The following BAZ2A variants were observed in gnomAD, a reference collection of about 807,000 sequenced individuals.
BAZ2A encodes the protein bromodomain adjacent to zinc finger domain protein 2A.
In BAZ2A, 34 loss-of-function variants were observed where a neutral mutation model predicts 199.9. The ratio of observed to expected loss-of-function variants is 0.17; its 90% CI spans 0.13 to 0.23. BAZ2A has a LOEUF of 0.23. Ranked by LOEUF, BAZ2A falls within the 10% of genes least tolerant of loss-of-function variation. BAZ2A has a pLI of 1.00. For missense variants in BAZ2A, 2,002 were observed against 2,391.1 expected (o/e 0.84, Z 3.39); for synonymous variants, 857 against 883.9 (o/e 0.97, Z 0.54).
chr12:56,598,410 G>A lies in BAZ2A; in HGVS notation c.*208C>T, dbSNP rs2136682811. The A allele has an allele frequency of 3.3e-6, 2 of 610,728 alleles. No homozygotes were observed. The highest frequency in any genetic ancestry group is 5.6e-6 in the Non-Finnish European group (2 of 357,342). 37.8% of individuals were successfully genotyped at this position (610,728 alleles called of 1,614,324 possible). ...TTTAGTCCAGAAGGACCTCATCTCT[G>A]CACCTCTTACTTGAGGAGCAAGAGG... On this transcript the variant is annotated 3_prime_UTR_variant, in exon 29 of 29. Coordinates refer to ENST00000549884, the MANE Select transcript of BAZ2A (RefSeq NM_001300905.2).
chr12:56,599,133 A>G lies in BAZ2A; in HGVS notation c.5398T>C (p.Cys1800Arg), dbSNP rs1886143189. The G allele has an allele frequency of 6.2e-7, 1 of 1,609,934 alleles. No homozygotes were observed. The highest frequency in any genetic ancestry group is 1.7e-5 in the Admixed American group (1 of 59,618). The change falls in exon 27 of 29, where the codon TGC becomes CGC. Residue 1800 changes from cysteine (C) to arginine (R), a missense_variant. Around this residue, in one of 6 missense-constraint regions of BAZ2A, gnomAD observed 122 missense variants for 123.0 expected, o/e 0.99. Transcript: ENST00000549884. ...MRNHHSDLTF[C>R]EIILMEMESH... ...CCCAGGATTCACTCAACTCACTCGC[A>G]AAATGTGAGATCACTGTGGTGGTTC...
intron 1 of BAZ2A, chr12:56,620,964 A>G (rs1428066707): frequency 1.5e-6 from 1 of 662,432 alleles, no homozygotes; most frequent in East Asian, 1.4e-4. Flanking sequence ...AATTAAAGGA[A>G]AGTTCATTCC....
chr12:56,605,063 T>G lies in BAZ2A; in HGVS notation c.2748+10A>C. 1 of 1,591,304 alleles carries G rather than the reference T, an allele frequency of 6.3e-7. No homozygotes were observed. Among genetic ancestry groups the G allele is most frequent in the South Asian group, 1.1e-5 (1 of 88,806 alleles). ...TTGTCCTGGTTACTTTGGGAGGGAC[T>G]TGCACTCACCTGACAGTAGGAGGGA... is the stretch of plus-strand genomic sequence containing the variant. On this transcript the variant is annotated intron_variant, in intron 14 of 28. Transcript: ENST00000549884.
intron 26 of BAZ2A, 99 bp from the exon 27 acceptor site, chr12:56,599,457 A>C: frequency 7.3e-7 from 1 of 1,365,826 alleles, no homozygotes; most frequent in Non-Finnish European, 9.9e-7. Flanking sequence ...TCAAAATACT[A>C]TCATGCATAA....
chr12:56,599,248 T>G lies in BAZ2A; in HGVS notation c.5283A>C (p.Val1761=), dbSNP rs1237497525. ...CTGGGCTTTCTCGGCCCCTCAACAG[T>G]ACCCGGCGTCGGCGGCCATCACCCT... ...FSEGDGRRRR[V]LLRGRESPAA... is the part of the protein sequence containing the mutation. Residue 1761 remains valine, a synonymous_variant, in exon 27 of 29, where the codon GTA becomes GTC. Coordinates refer to ENST00000549884, the MANE Select transcript of BAZ2A (RefSeq NM_001300905.2). The G allele has an allele frequency of 6.2e-7, 1 of 1,613,210 alleles. No homozygotes were observed. The highest frequency in any genetic ancestry group is 1.3e-5 in the African/African-American group (1 of 74,906).
Position 56,613,150 on chromosome 12 carries a change from C to T in BAZ2A, c.1000G>A (p.Val334Met). The change falls in exon 5 of 29, where the codon GTG becomes ATG. Residue 334 changes from valine to methionine, a missense_variant. Transcript: ENST00000549884. ...GAAGGGCAATCAAGGGCAGAAATCACAGGGCTGTCCTCAAGAGGCAGCTTG... is the reference window on the plus strand; with the variant it reads ...GAAGGGCAATCAAGGGCAGAAATCATAGGGCTGTCCTCAAGAGGCAGCTTG... Reference protein sequence around the residue: ...EDKLPLEDSPVISALDCPSLN... With the variant: ...EDKLPLEDSPMISALDCPSLN... 1 of 1,614,016 alleles carries T rather than the reference C, an allele frequency of 6.2e-7. No individual in the cohort carries two copies. Among genetic ancestry groups the T allele is most frequent in the Non-Finnish European group, 8.5e-7 (1 of 1,179,902 alleles).
chr12:56,614,951 A>T (rs1485540497), intron 3 of BAZ2A, 63 bp downstream of exon 3: 2 of 1,486,408 alleles, frequency 1.3e-6, no homozygotes, highest in East Asian at 4.9e-5. Context: ...CACCTCAAAA[A>T]GCCACTATCC....
intron 16 of BAZ2A, among the ~76,000 whole-genome samples, chr12:56,604,006 C>A (rs1950264808): frequency 6.6e-6 from 1 of 151,754 alleles, no homozygotes; most frequent in African/African-American, 2.4e-5. Flanking sequence ...GAGGAAGACT[C>A]CATCTCAAAA....
chr12:56,616,779 T>G (rs1317968021), intron 2 of BAZ2A, among the ~76,000 whole-genome samples: 1 of 152,060 alleles, frequency 6.6e-6, no homozygotes, highest in East Asian at 1.9e-4. Context: ...ATAAAGGACT[T>G]GAAACCCAAG....
In BAZ2A at chr12:56,602,879, A is replaced by T. The variant is rs374489795; in HGVS notation, c.3280-22T>A. The T allele has an allele frequency of 2.4e-4, 391 of 1,597,908 alleles. 2 individuals carry two copies. The highest frequency in any genetic ancestry group is 1.8e-3 in the South Asian group (163 of 89,216). ...GACGCTGGGTAGACAATGAAAATGA[A>T]GATGAATAAACACATTTCCAGAGTG... On this transcript the variant is annotated intron_variant, in intron 18 of 28. Coordinates refer to ENST00000549884, the MANE Select transcript of BAZ2A (RefSeq NM_001300905.2).
At position 56,601,345 on chromosome 12, in the gene BAZ2A, A is replaced by G. The variant is rs377350762; in HGVS notation, c.4129T>C (p.Leu1377=). The stretch of plus-strand genomic sequence containing the variant: ...CGCCTCTTAGGGGCCAACCCAGCCA[A>G]GGGCGTGGAAGAGAACTGCACTGGA... ...CSPVQFSSTP[L]AGLAPKRRAG... Residue 1377 remains leucine (L), a synonymous_variant, in exon 21 of 29, where the codon TTG becomes CTG. Coordinates refer to ENST00000549884, the MANE Select transcript of BAZ2A (RefSeq NM_001300905.2). 33 of 1,613,900 alleles carry G rather than the reference A, an allele frequency of 2.0e-5. No homozygotes were observed. Among genetic ancestry groups the G allele is most frequent in the Non-Finnish European group, 2.7e-5 (32 of 1,179,894 alleles).
intron 3 of BAZ2A, 73 bp downstream of exon 3, chr12:56,614,941 C>T (rs1240252203): frequency 6.9e-7 from 1 of 1,441,272 alleles, no homozygotes; most frequent in Admixed American, 2.0e-5. Context: ...AAGTTTTTCT[C>T]ACCTCAAAAA....
chr12:56,637,238 A>G (rs1253542863), upstream of BAZ2A, among the ~76,000 whole-genome samples: 1 of 152,206 alleles, frequency 6.6e-6, no homozygotes, highest in Non-Finnish European at 1.5e-5. Flanking sequence ...AAAAGAACAC[A>G]AGAGGAACCC....
Position 56,615,438 on chromosome 12 carries a change from G to T in BAZ2A, c.306C>A (p.Gly102=), listed in dbSNP as rs764275104. The T allele has an allele frequency of 1.2e-6, 2 of 1,613,338 alleles. No homozygotes were observed. The highest frequency in any genetic ancestry group is 2.2e-5 in the South Asian group (2 of 91,048). ...GAAGGGGTGGGTCCTTGAGGTTGCT[G>T]CCAGGATTGGCAGATGGGTACTGTG... ...NYSQYPSANP[G]SNLKDPPLLS... is the part of the protein sequence containing the mutation. Residue 102 remains glycine (G), a synonymous_variant, in exon 3 of 29, where the codon GGC becomes GGA. Coordinates refer to ENST00000549884, the MANE Select transcript of BAZ2A (RefSeq NM_001300905.2).
rs571496681 is a variant in BAZ2A at position 56,618,066 on chromosome 12, A to G, written c.-2-534T>C. 1.8e-4 allele frequency among the ~76,000 whole-genome samples: 27 copies of G among 152,338 alleles called. 1 individual carries two copies. The highest frequency in any genetic ancestry group is 7.2e-4 in the Admixed American group (11 of 15,300). ...TCCATAGCCCTAGATATCTCAAGAT[A>G]GTAGTTACATTAGTAAAGGGATTTG... is the stretch of plus-strand genomic sequence containing the variant. On this transcript the variant is annotated intron_variant, in intron 1 of 28. Coordinates refer to ENST00000549884, the MANE Select transcript of BAZ2A (RefSeq NM_001300905.2).
chr12:56,599,706 G>A lies in BAZ2A; in HGVS notation c.5168C>T (p.Ala1723Val). ...EGDWFCTVCL[A>V]QQVEGEFTQK... is the part of the protein sequence containing the mutation. ...AAGAAAGAGCAGAAGCCTTACCTGA[G>A]CCAAACAGACAGTACAGAACCAATC... Residue 1723 changes from alanine (A) to valine (V), a missense_variant, in exon 26 of 29, where the codon GCT becomes GTT. By Grantham distance (64) the Ala-to-Val change is moderately conservative (BLOSUM62 0). Around this residue, in one of 6 missense-constraint regions of BAZ2A, gnomAD observed 122 missense variants for 123.0 expected, o/e 0.99. Coordinates refer to ENST00000549884, the MANE Select transcript of BAZ2A (RefSeq NM_001300905.2). 1 of 1,613,496 alleles carries A rather than the reference G, an allele frequency of 6.2e-7. No individual in the cohort carries two copies. Among genetic ancestry groups the A allele is most frequent in the Non-Finnish European group, 8.5e-7 (1 of 1,179,902 alleles).
rs768315263 is a variant in BAZ2A, at chr12:56,612,037, G to A, written c.1345C>T (p.Pro449Ser). ...GTAGAAGCTGCGGGACAAACTTCTG[G>A]AGAGATTTCTGGGGAGGCTGCTGGA... ...VSPAASPEISPEVCPAASTVV... is the reference protein window; with the variant it reads ...VSPAASPEISSEVCPAASTVV... Residue 449 changes from proline to serine, a missense_variant, in exon 6 of 29, where the codon CCA becomes TCA. Around this residue, in one of 6 missense-constraint regions of BAZ2A, gnomAD observed 641 missense variants for 694.5 expected, o/e 0.92. Transcript: ENST00000549884. 5.6e-6 allele frequency: 9 copies of A among 1,613,616 alleles called. No homozygotes were observed. The Admixed American group carries it at 1.5e-4, about 27-fold the overall frequency.
At chr12:56,613,497 A>G (rs1260306101) in intron 4 of BAZ2A, among the ~76,000 whole-genome samples, 1 of 152,170 alleles carries the variant, frequency 6.6e-6, no homozygotes, top group Non-Finnish European at 1.5e-5. Flanking sequence ...ACATAGCAAG[A>G]CCTCATCTCT....
chr12:56,618,773 G>A (rs533239401), intron 1 of BAZ2A, among the ~76,000 whole-genome samples: 9 of 152,096 alleles, frequency 5.9e-5, no homozygotes, highest in Non-Finnish European at 8.8e-5. Flanking sequence ...AGGAGGCTAA[G>A]GAAGGAGAAT....
Sources: allele counts gnomAD v4.1 joint callset (sites outside exome capture counted in the v4.1 genomes callset), GRCh38; gene constraint gnomAD v4.1.1; regional missense constraint gnomAD v4.1.1; transcripts MANE v1.5; gene names NCBI Gene and HGNC (gene_info 2026-07-23, HGNC 2026-07-21).